LIMCH1: variants seen among roughly 807,000 people sequenced by gnomAD.
LIMCH1 encodes LIM and calponin homology domains 1.
In LIMCH1, 113 loss-of-function variants were observed where a neutral mutation model predicts 176.5. The observed-to-expected ratio is 0.64, with a 90% CI of 0.55 to 0.75. The LOEUF is 0.75. LIMCH1 is among the 30% of genes least tolerant of loss of function. LIMCH1 has a pLI of 0.00. For synonymous variants in LIMCH1, 619 were observed against 645.9 expected, an observed-to-expected ratio of 0.96 and a Z score of 0.63; for missense variants, 1,674 against 1,814.9, an observed-to-expected ratio of 0.92 and a Z score of 1.41.
rs546707496 is a variant in LIMCH1, at chr4:41,632,616, T to C, written c.1602-133T>C. On this transcript the variant is annotated intron_variant, in intron 10 of 31. Coordinates refer to ENST00000503057, the MANE Select transcript of LIMCH1 (RefSeq NM_001330672.2). ...TATCTCAATCTGATTATATCATCCTTACTAACCAGCCTTTGGAATGAGAGC... is the reference window on the plus strand; with the variant it reads ...TATCTCAATCTGATTATATCATCCTCACTAACCAGCCTTTGGAATGAGAGC... 2.4e-5 allele frequency: 17 copies of C among 718,372 alleles called. No homozygotes were observed. In the Admixed American group the frequency reaches 2.6e-4, roughly 11 times the overall value. The allele number at this position is 718,372 out of a possible 1,614,324, so 44.5% of individuals were successfully genotyped here. A position where few individuals can be genotyped will look rare whatever the true frequency, so the allele number is the denominator to read the frequency against.
chr4:41,442,689 A>G (rs1346723658), intron 1 of LIMCH1, among the ~76,000 whole-genome samples: 1 of 152,226 alleles, frequency 6.6e-6, no homozygotes, highest in Non-Finnish European at 1.5e-5. Context: ...AGAAATCTAA[A>G]TATAGCTTCA....
chr4:41,456,954 C>T (rs1197923657), intron 1 of LIMCH1, among the ~76,000 whole-genome samples: 2 of 152,056 alleles, frequency 1.3e-5, no homozygotes, highest in Non-Finnish European at 2.9e-5. Flanking sequence ...GGTGTGAAGA[C>T]AATATTCTCT....
intron 3 of LIMCH1, among the ~76,000 whole-genome samples, chr4:41,527,686 G>A (rs1191129752): frequency 2.6e-5 from 4 of 152,078 alleles, no homozygotes; most frequent in Non-Finnish European, 4.4e-5. Context: ...AGCCAGGCGC[G>A]GTGGTGGGCG....
At chr4:41,423,100 A>G (rs1166061733) in intron 1 of LIMCH1, among the ~76,000 whole-genome samples, 2 of 152,186 alleles carry the variant, frequency 1.3e-5, no homozygotes, top group East Asian at 1.9e-4. Flanking sequence ...AGCAGCCACA[A>G]TGAAATCAAT....
intron 3 of LIMCH1, among the ~76,000 whole-genome samples, chr4:41,530,676 G>A (rs2152435384): frequency 6.6e-6 from 1 of 151,402 alleles, no homozygotes; most frequent in South Asian, 2.1e-4. Flanking sequence ...GCATGGTGGT[G>A]TGTGCCCGTA....
intron 1 of LIMCH1, among the ~76,000 whole-genome samples, chr4:41,455,496 C>T (rs2064476101): frequency 6.6e-6 from 1 of 152,178 alleles, no homozygotes; most frequent in South Asian, 2.1e-4. Flanking sequence ...TGCAGATGCT[C>T]TTTCATTGTT....
chr4:41,365,888 C>T (rs755384150), intron 1 of LIMCH1, among the ~76,000 whole-genome samples: 5 of 152,182 alleles, frequency 3.3e-5, no homozygotes, highest in South Asian at 4.1e-4. Context: ...TTGCATCAGG[C>T]GAGCTCCAAA....
chr4:41,441,781 A>G (rs970430863), intron 1 of LIMCH1, among the ~76,000 whole-genome samples: 2 of 152,194 alleles, frequency 1.3e-5, no homozygotes, highest in Non-Finnish European at 2.9e-5. Context: ...AGAAGTTAAT[A>G]TGAAATATCT....
chr4:41,372,894 G>C (rs2054187495), intron 1 of LIMCH1, among the ~76,000 whole-genome samples: 1 of 152,182 alleles, frequency 6.6e-6, no homozygotes. Flanking sequence ...GTGACTTCTT[G>C]GCTGCGATTA....
At chr4:41,513,345 T>C (rs976039722) in intron 2 of LIMCH1, among the ~76,000 whole-genome samples, 1 of 152,196 alleles carries the variant, frequency 6.6e-6, no homozygotes, top group African/African-American at 2.4e-5. Context: ...CTCAAGAATG[T>C]ATTCCCCAGT....
At chr4:41,400,318 A>T (rs2058290759) in intron 1 of LIMCH1, among the ~76,000 whole-genome samples, 2 of 152,204 alleles carry the variant, frequency 1.3e-5, no homozygotes, top group South Asian at 4.2e-4. Context: ...ACCTTGGAAA[A>T]TTTTTTACCT....
At chr4:41,679,310 A>G (rs1335819082) in intron 23 of LIMCH1, among the ~76,000 whole-genome samples, 1 of 152,194 alleles carries the variant, frequency 6.6e-6, no homozygotes, top group African/African-American at 2.4e-5. Flanking sequence ...CTAATCAGCC[A>G]TCAGGGACTC....
chr4:41,524,375 T>C (rs891093239), intron 2 of LIMCH1: 3 of 1,551,132 alleles, frequency 1.9e-6, no homozygotes, highest in Non-Finnish European at 1.8e-6. Context: ...TCTTGCTTTA[T>C]GTCTCACTTG....
intron 1 of LIMCH1, among the ~76,000 whole-genome samples, chr4:41,403,516 G>A (rs1023166975): frequency 9.2e-5 from 14 of 152,186 alleles, no homozygotes; most frequent in African/African-American, 3.1e-4. Flanking sequence ...AGGAGGTGGA[G>A]GTTGCAGTGA....
At chr4:41,467,158 T>TATATACACACAC (rs1157542568) in intron 1 of LIMCH1, among the ~76,000 whole-genome samples, 45 of 143,550 alleles carry the variant, frequency 3.1e-4, no homozygotes, top group African/African-American at 7.9e-4. Flanking sequence ...TATGTATATA[T>TATATACACACAC]ACACACACAC....
At chr4:41,537,854 A>G (rs1328907847), upstream of LIMCH1, among the ~76,000 whole-genome samples, 1 of 152,196 alleles carries the variant, frequency 6.6e-6, no homozygotes, top group Non-Finnish European at 1.5e-5. Context: ...CAAATAAGGA[A>G]ACTGAGACCA....
intron 14 of LIMCH1, among the ~76,000 whole-genome samples, chr4:41,640,011 T>A (rs2093753804): frequency 6.6e-6 from 1 of 152,220 alleles, no homozygotes; most frequent in Admixed American, 6.5e-5. Context: ...ATTAAGTGTC[T>A]TCAGATTGTG....
chr4:41,361,246 C>G (rs949523284), intron 1 of LIMCH1, among the ~76,000 whole-genome samples: 1 of 152,246 alleles, frequency 6.6e-6, no homozygotes, highest in East Asian at 1.9e-4. Context: ...GCGCCGCTTC[C>G]AGGCGCTGCC....
intron 1 of LIMCH1, among the ~76,000 whole-genome samples, chr4:41,549,564 A>C (rs2080092606): frequency 6.6e-6 from 1 of 152,186 alleles, no homozygotes; most frequent in Admixed American, 6.5e-5. Context: ...CTCACTTAAA[A>C]AATGAAGAAA....
Sources: gnomAD v4.1 joint callset for allele counts (sites outside exome capture counted in the v4.1 genomes callset) on GRCh38, gnomAD v4.1.1 for gene constraint, MANE v1.5 for transcripts, NCBI Gene and HGNC (gene_info 2026-07-23, HGNC 2026-07-21) for gene names.